C7orf57: variants seen among roughly 807,000 people sequenced by gnomAD.
C7orf57 encodes the protein chromosome 7 open reading frame 57.
Under a neutral mutation model 39.0 loss-of-function variants are expected in C7orf57, and 33 were observed. That is an observed-to-expected ratio of 0.85 (90% CI 0.64 to 1.13). The LOEUF (loss-of-function observed/expected upper bound fraction) is 1.13. Ranked by LOEUF, C7orf57 falls within the 50% of genes most tolerant of loss-of-function variation. The probability of loss-of-function intolerance (pLI) is 0.00; values close to 1 mark genes in which losing one functional copy is unlikely to be tolerated. For synonymous variants in C7orf57, 124 were observed against 137.1 expected, an observed-to-expected ratio of 0.90 and a Z score of 0.67; for missense variants, 346 against 362.3, an observed-to-expected ratio of 0.95 and a Z score of 0.37.
chr7:48,050,935 C>T (rs898317918), intron 6 of C7orf57, among the ~76,000 whole-genome samples: 17 of 152,176 alleles, frequency 1.1e-4, no homozygotes, highest in Admixed American at 3.9e-4. Context: ...TCTCAAAGTG[C>T]TGAGATGGAG....
intron 2 of C7orf57, among the ~76,000 whole-genome samples, chr7:48,038,859 T>C (rs1160906443): frequency 6.6e-6 from 1 of 152,078 alleles, no homozygotes; most frequent in East Asian, 1.9e-4. Flanking sequence ...CAAGTATGTG[T>C]GTGTATGTGG....
intron 3 of C7orf57, 52 bp downstream of exon 3, chr7:48,041,571 G>T: frequency 7.1e-7 from 1 of 1,406,804 alleles, no homozygotes; most frequent in East Asian, 2.5e-5. Context: ...GCGGTGAGGG[G>T]GGCGTTTGTT....
Position 48,041,534 on chromosome 7 carries a change from G to T in C7orf57, c.241+15G>T. 2 of 1,573,510 alleles carry T rather than the reference G, an allele frequency of 1.3e-6. No individual in the cohort carries two copies. Among genetic ancestry groups the T allele is most frequent in the African/African-American group, 2.7e-5 (2 of 73,760 alleles). On this transcript the variant is annotated intron_variant, in intron 3 of 8. Transcript: ENST00000348904. ...TGGCAGGCCCGGTGAGCCCCCTCCTGCCCTGTTCAGTGTGGCAGCCTCGCG... is the reference window on the plus strand; with the variant it reads ...TGGCAGGCCCGGTGAGCCCCCTCCTTCCCTGTTCAGTGTGGCAGCCTCGCG...
At chr7:48,059,973 C>T (rs953131688) in intron 8 of C7orf57, among the ~76,000 whole-genome samples, 31 of 152,176 alleles carry the variant, frequency 2.0e-4, no homozygotes, top group African/African-American at 7.5e-4. Context: ...TTCCACCATA[C>T]ACAGGCAAAA....
chr7:48,057,183 A>G (rs1791140969), intron 8 of C7orf57, among the ~76,000 whole-genome samples: 1 of 151,838 alleles, frequency 6.6e-6, no homozygotes, highest in Admixed American at 6.6e-5. Context: ...GAATTTTGGT[A>G]GGGATTGCAT....
intron 8 of C7orf57, among the ~76,000 whole-genome samples, chr7:48,058,098 G>T (rs912486174): frequency 1.1e-4 from 17 of 152,102 alleles, no homozygotes; most frequent in Non-Finnish European, 1.3e-4. Context: ...TGGTTTGCTA[G>T]TATTTTGCTG....
chr7:48,056,611 A>G (rs186148426), intron 8 of C7orf57, among the ~76,000 whole-genome samples: 2 of 152,216 alleles, frequency 1.3e-5, no homozygotes, highest in Admixed American at 1.3e-4. Context: ...GCTCATTGGA[A>G]CATTTCGGAT....
rs544557830 is a variant in C7orf57, at chr7:48,036,249, C to T, written c.-60C>T. The stretch of plus-strand genomic sequence containing the variant: ...CTGGTCAAGCAGGCAGCGTCCAGCG[C>T]ACCCGCGAACACCAGGTCCGGCAGC... On this transcript the variant is annotated 5_prime_UTR_variant, in exon 2 of 9. Transcript: ENST00000348904. 1.1e-5 allele frequency: 17 copies of T among 1,528,572 alleles called. No individual in the cohort carries two copies. The African/African-American group carries it at 2.2e-4, about 20-fold the overall frequency. The allele number at this position is 1,528,572 out of a possible 1,614,324, so 94.7% of individuals were successfully genotyped here.
At chr7:48,051,872 TC>T (rs777862136) in intron 6 of C7orf57, among the ~76,000 whole-genome samples, 5 of 42,496 alleles carry the variant, frequency 1.2e-4, no homozygotes, top group East Asian at 8.4e-4. Flanking sequence ...TCTTTCTTTC[TC>T]TTTCTCTTTC....
At chr7:48,038,617 A>G (rs776978024) in intron 2 of C7orf57, among the ~76,000 whole-genome samples, 1 of 152,156 alleles carries the variant, frequency 6.6e-6, no homozygotes, top group Non-Finnish European at 1.5e-5. Context: ...CTTTCAATTA[A>G]CTGCCCACAA....
chr7:48,042,640 T>C (rs1790583965), intron 3 of C7orf57, among the ~76,000 whole-genome samples: 1 of 151,998 alleles, frequency 6.6e-6, no homozygotes, highest in South Asian at 2.1e-4. Context: ...TCTTGCAATG[T>C]TTCTGTAAGT....
Position 48,061,188 on chromosome 7 carries a change from C to A in C7orf57, c.*916C>A, listed in dbSNP as rs1475807979. On this transcript the variant is annotated 3_prime_UTR_variant, in exon 9 of 9. Coordinates refer to ENST00000348904, the MANE Select transcript of C7orf57 (RefSeq NM_001100159.3). ...TCTCTATATGAGATACTTAATCGAG[C>A]ATATATATTTATATTCATTGATCAA... 1 of 152,080 alleles carries A rather than the reference C, an allele frequency of 6.6e-6. No homozygotes were observed. Among genetic ancestry groups the A allele is most frequent in the Admixed American group, 6.6e-5 (1 of 15,258 alleles). 9.4% of individuals were successfully genotyped at this position (152,080 alleles called of 1,614,324 possible). A position where few individuals can be genotyped will look rare whatever the true frequency, so the allele number is the denominator to read the frequency against.
intron 2 of C7orf57, among the ~76,000 whole-genome samples, chr7:48,038,682 G>A (rs888137997): frequency 3.9e-5 from 6 of 152,188 alleles, no homozygotes; most frequent in African/African-American, 1.4e-4. Context: ...CCAAATATGA[G>A]TGACCAAGGC....
chr7:48,050,816 T>C (rs914735837), intron 6 of C7orf57, among the ~76,000 whole-genome samples: 1 of 151,754 alleles, frequency 6.6e-6, no homozygotes, highest in Non-Finnish European at 1.5e-5. Context: ...GCTATATGCA[T>C]GCACCACCAC....
chr7:48,059,034 G>A (rs1791210862), intron 8 of C7orf57, among the ~76,000 whole-genome samples: 1 of 152,202 alleles, frequency 6.6e-6, no homozygotes, highest in South Asian at 2.1e-4. Context: ...GTGGAGAAGA[G>A]GATCTGCTCT....
At position 48,035,693 on chromosome 7, in the gene C7orf57, G is replaced by A. The variant is rs1790330454; in HGVS notation, c.-102+63G>A. ...ACTGTGGTCCCGGGCCTTGTCCACT[G>A]TGCGGAGCTCGCAGTGCGGGCAGTG... On this transcript the variant is annotated intron_variant, in intron 1 of 8. Coordinates refer to ENST00000348904, the MANE Select transcript of C7orf57 (RefSeq NM_001100159.3). The surrounding 1 kb of genome is among the most constrained non-coding windows in gnomAD (Gnocchi z 4.0). The A allele has an allele frequency of 3.2e-5, 19 of 599,690 alleles. No homozygotes were observed. In the South Asian group the frequency reaches 3.6e-4, roughly 11 times the overall value. 37.1% of individuals were successfully genotyped at this position (599,690 alleles called of 1,614,324 possible).
chr7:48,058,474 T>C (rs1791192836), intron 8 of C7orf57, among the ~76,000 whole-genome samples: 1 of 152,170 alleles, frequency 6.6e-6, no homozygotes, highest in Non-Finnish European at 1.5e-5. Context: ...CTCTAGACTA[T>C]CCAATTCGTT....
intron 8 of C7orf57, among the ~76,000 whole-genome samples, chr7:48,056,147 A>G (rs1422947517): frequency 6.6e-6 from 1 of 152,154 alleles, no homozygotes; most frequent in Non-Finnish European, 1.5e-5. Flanking sequence ...CTTTTTGATA[A>G]TAGCCATTTT....
intron 2 of C7orf57, 48 bp from the exon 3 acceptor site, chr7:48,041,286 A>G: frequency 1.3e-6 from 2 of 1,546,522 alleles, no homozygotes; most frequent in South Asian, 2.4e-5. Context: ...CCTAGAGGCC[A>G]CCCCGACACA....
Sources: allele counts gnomAD v4.1 joint callset (sites outside exome capture counted in the v4.1 genomes callset), GRCh38; gene constraint gnomAD v4.1.1; non-coding constraint Gnocchi (gnomAD v3.1); transcripts MANE v1.5; gene names NCBI Gene and HGNC (gene_info 2026-07-23, HGNC 2026-07-21).